AKAP12: variants seen among roughly 807,000 people sequenced by gnomAD.
AKAP12 encodes A-kinase anchor protein 12.
Under a neutral mutation model 79.9 loss-of-function variants are expected in AKAP12, and 32 were observed. The ratio of observed to expected loss-of-function variants is 0.40; its 90% CI spans 0.30 to 0.54. The LOEUF is 0.54. AKAP12 is among the 20% of genes least tolerant of loss of function. The pLI is 0.48. For missense variants in AKAP12, 2,074 were observed against 2,177.0 expected, an observed-to-expected ratio of 0.95 and a Z score of 0.94; for synonymous variants, 808 against 857.0, an observed-to-expected ratio of 0.94 and a Z score of 1.00.
In AKAP12 at chr6:151,353,549, T is replaced by C; in HGVS notation, c.5158T>C (p.Ser1720Pro). 1 of 1,614,110 alleles carries C rather than the reference T, an allele frequency of 6.2e-7. No individual in the cohort carries two copies. Among genetic ancestry groups the C allele is most frequent in the Non-Finnish European group, 8.5e-7 (1 of 1,180,016 alleles). Residue 1720 changes from serine to proline, a missense_variant, in exon 4 of 5, where the codon TCA becomes CCA. Ser to Pro is a moderately conservative substitution (Grantham distance 74). Coordinates refer to ENST00000402676, the MANE Select transcript of AKAP12 (RefSeq NM_005100.4). ...CTCAGCCCTGGCTGATACTGATGCC[T>C]CAGGAGGCTTAACCAAAGAGTCCCC... ...QNSALADTDA[S>P]GGLTKESPDT...
In AKAP12 at chr6:151,305,857, A is replaced by G; in HGVS notation, c.273A>G (p.Gln91=). 6.2e-7 allele frequency: 1 copy of G among 1,613,816 alleles called. No individual in the cohort carries two copies. The highest frequency in any genetic ancestry group is 1.6e-4 in the Middle Eastern group (1 of 6,062). ...LNGQKGALNG[Q]GALNSQEEEE... ...GCCAGAAAGGAGCCCTGAACGGTCA[A>G]GGAGCCCTAAACAGCCAGGAGGAAG... The change falls in exon 3 of 5, where the codon CAA becomes CAG. Residue 91 remains glutamine (Q), a synonymous_variant. Transcript: ENST00000402676.
At chr6:151,241,991 TACTA>T (rs1796985866) in intron 2 of AKAP12, among the ~76,000 whole-genome samples, 1 of 152,194 alleles carries the variant, frequency 6.6e-6, no homozygotes, top group South Asian at 2.1e-4. Flanking sequence ...AGATATTAAG[TACTA>T]ACTGTGTCTC....
At chr6:151,300,396 C>T (rs1046227488) in intron 2 of AKAP12, among the ~76,000 whole-genome samples, 5 of 152,152 alleles carry the variant, frequency 3.3e-5, no homozygotes, top group East Asian at 1.9e-4. Context: ...TGCACCCGGT[C>T]GTCCAATGAG....
At chr6:151,330,016 CATCAAT>C (rs1327140681) in intron 3 of AKAP12, among the ~76,000 whole-genome samples, 1 of 152,160 alleles carries the variant, frequency 6.6e-6, no homozygotes, top group Non-Finnish European at 1.5e-5. Flanking sequence ...GATCGTGAAA[CATCAAT>C]ATCAAGACCA....
chr6:151,303,424 TG>T (rs1776902519), intron 2 of AKAP12, among the ~76,000 whole-genome samples: 1 of 152,318 alleles, frequency 6.6e-6, no homozygotes, highest in East Asian at 1.9e-4. Context: ...CCATCTGTAG[TG>T]TAAGTATTAA....
intron 2 of AKAP12, among the ~76,000 whole-genome samples, chr6:151,247,325 C>G (rs1230504576): frequency 6.6e-6 from 1 of 152,008 alleles, no homozygotes; most frequent in Admixed American, 6.5e-5. Context: ...TGCTTCCACC[C>G]AGGAGTATGA....
chr6:151,306,073 T>G (rs1776972034), intron 3 of AKAP12, among the ~76,000 whole-genome samples, 170 bp downstream of exon 3: 1 of 152,228 alleles, frequency 6.6e-6, no homozygotes, highest in African/African-American at 2.4e-5. Flanking sequence ...CCCCCTATAC[T>G]TAGACCTTGA....
intron 3 of AKAP12, 31 bp from the exon 4 acceptor site, chr6:151,348,680 T>TTGGGGG: frequency 5.1e-5 from 18 of 355,184 alleles, no homozygotes; most frequent in East Asian, 1.7e-4. Context: ...TTTTCTCTTC[T>TTGGGGG]CCCCACCCCC....
chr6:151,294,912 A>G (rs1035983197), intron 2 of AKAP12, among the ~76,000 whole-genome samples: 1 of 152,140 alleles, frequency 6.6e-6, no homozygotes, highest in East Asian at 1.9e-4. Context: ...TCCTTGAGGA[A>G]CTCATTTTAG....
At chr6:151,292,671 T>C (rs531068289) in intron 2 of AKAP12, among the ~76,000 whole-genome samples, 29 of 152,354 alleles carry the variant, frequency 1.9e-4, no homozygotes, top group South Asian at 8.3e-4. Context: ...AATGGTAATA[T>C]GTTACCTGTT....
chr6:151,250,263 T>A (rs921909661), intron 2 of AKAP12, among the ~76,000 whole-genome samples: 1 of 151,984 alleles, frequency 6.6e-6, no homozygotes, highest in African/African-American at 2.4e-5. Context: ...TTTGGGAGGC[T>A]GAGGCAGGTG....
chr6:151,296,993 T>C (rs1776743669), intron 2 of AKAP12, among the ~76,000 whole-genome samples: 7 of 151,516 alleles, frequency 4.6e-5, no homozygotes, highest in Admixed American at 2.0e-4. Context: ...GGAAAATATA[T>C]TGTATGCCTA....
rs1778467142 is a variant in AKAP12, at chr6:151,357,288, C to G, written c.*1574C>G. The G allele has an allele frequency of 6.6e-6, 1 of 152,304 alleles. No individual in the cohort carries two copies. The allele number at this position is 152,304 out of a possible 1,614,324, so 9.4% of individuals were successfully genotyped here. A position where few individuals can be genotyped will look rare whatever the true frequency, so the allele number is the denominator to read the frequency against. On this transcript the variant is annotated 3_prime_UTR_variant, in exon 5 of 5. Coordinates refer to ENST00000402676, the MANE Select transcript of AKAP12 (RefSeq NM_005100.4). ...ACCGCAACCTCCACCTCCCGGATTC[C>G]AGCGATTCTCCTGCCTCAGCCTACA...
chr6:151,322,722 G>A (rs980508316), intron 3 of AKAP12, among the ~76,000 whole-genome samples: 16 of 148,394 alleles, frequency 1.1e-4, no homozygotes, highest in South Asian at 4.1e-4. Context: ...ACCCACTCCC[G>A]CCACTGGGCG....
chr6:151,306,052 C>T (rs1400082656), intron 3 of AKAP12, 149 bp downstream of exon 3: 35 of 805,360 alleles, frequency 4.3e-5, no homozygotes, highest in Non-Finnish European at 6.6e-5. Flanking sequence ...ATTTATCTGA[C>T]CATTTGGATA....
chr6:151,312,638 A>G (rs978078899), intron 3 of AKAP12, among the ~76,000 whole-genome samples: 5 of 151,904 alleles, frequency 3.3e-5, no homozygotes, highest in African/African-American at 1.2e-4. Context: ...AAAAATACAA[A>G]AAAATTAGCC....
At chr6:151,345,928 T>TGAGAGAGA (rs1235285184) in intron 3 of AKAP12, among the ~76,000 whole-genome samples, 5 of 110,736 alleles carry the variant, frequency 4.5e-5, no homozygotes, top group African/African-American at 1.6e-4. Flanking sequence ...TGTGTGTGTG[T>TGAGAGAGA]GTGTGAGAGA....
At position 151,240,553 on chromosome 6, in the gene AKAP12, C is replaced by A; in HGVS notation, c.-10C>A. On this transcript the variant is annotated 5_prime_UTR_variant, in exon 2 of 5. Transcript: ENST00000402676. ...CCGGCGGCTAGGCGCGGGAGAAGTG[C>A]GGAGGAGCCATGGGCGCCGGGAGCT... 2 of 1,439,322 alleles carry A rather than the reference C, an allele frequency of 1.4e-6. No individual in the cohort carries two copies. Among genetic ancestry groups the A allele is most frequent in the Non-Finnish European group, 1.8e-6 (2 of 1,102,634 alleles). The allele number at this position is 1,439,322 out of a possible 1,614,324, so 89.2% of individuals were successfully genotyped here.
chr6:151,302,325 A>G (rs1776880342), intron 2 of AKAP12, among the ~76,000 whole-genome samples: 1 of 151,842 alleles, frequency 6.6e-6, no homozygotes, highest in African/African-American at 2.4e-5. Context: ...TCTCTTTTTT[A>G]AATGATGTTT....
Sources: allele counts gnomAD v4.1 joint callset (sites outside exome capture counted in the v4.1 genomes callset), GRCh38; gene constraint gnomAD v4.1.1; transcripts MANE v1.5; gene names NCBI Gene and HGNC (gene_info 2026-07-23, HGNC 2026-07-21).